The following SYK variants were observed in gnomAD, a reference collection of about 807,000 sequenced individuals.
The protein encoded by SYK is spleen associated tyrosine kinase, also known as tyrosine-protein kinase SYK.
Under a neutral mutation model 77.8 loss-of-function variants are expected in SYK, and 16 were observed. The ratio of observed to expected loss-of-function variants is 0.21; its 90% CI spans 0.14 to 0.31. The LOEUF is 0.31. Ranked by LOEUF, SYK falls within the 10% of genes least tolerant of loss-of-function variation. The pLI, the probability that SYK is intolerant of heterozygous loss-of-function variation, is 1.00. For missense variants in SYK, 529 were observed against 814.4 expected (o/e 0.65, Z 4.26); for synonymous variants, 312 against 308.7 (o/e 1.01, Z -0.11).
chr9:90,873,902 G>A (rs942820887), intron 7 of SYK, among the ~76,000 whole-genome samples: 3 of 152,146 alleles, frequency 2.0e-5, no homozygotes, highest in African/African-American at 7.2e-5. Context: ...GATGTGCAAG[G>A]GGGTGAGTGG....
At chr9:90,819,123 T>C (rs1825412487) in intron 1 of SYK, among the ~76,000 whole-genome samples, 1 of 152,242 alleles carries the variant, frequency 6.6e-6, no homozygotes, top group African/African-American at 2.4e-5. Context: ...CAGTAATTTG[T>C]ACTTTCCCAT....
At chr9:90,851,856 T>C (rs1483854049) in intron 3 of SYK, among the ~76,000 whole-genome samples, 1 of 152,180 alleles carries the variant, frequency 6.6e-6, no homozygotes, top group Non-Finnish European at 1.5e-5. Flanking sequence ...TTGAAGACTC[T>C]CTTATTTTTT....
intron 1 of SYK, among the ~76,000 whole-genome samples, chr9:90,841,856 TTA>T (rs1826366828): frequency 1.4e-5 from 2 of 138,212 alleles, no homozygotes; most frequent in South Asian, 4.9e-4. Flanking sequence ...GTGCAGTGTG[TTA>T]TGTGTGTTGT....
At chr9:90,894,539 C>T (rs1030769399) in intron 13 of SYK, among the ~76,000 whole-genome samples, 1 of 152,210 alleles carries the variant, frequency 6.6e-6, no homozygotes, top group Non-Finnish European at 1.5e-5. Flanking sequence ...TCCTGATGCG[C>T]GTTCTATGGC....
Position 90,845,736 on chromosome 9 carries a change from G to A in SYK, c.578+142G>A, listed in dbSNP as rs529793045. On this transcript the variant is annotated intron_variant, in intron 3 of 13. Coordinates refer to ENST00000375754, the MANE Select transcript of SYK (RefSeq NM_003177.7). ...CATTTGACAACATGCATGCTGGCCT[G>A]TTCTAAAGACATTTCTAACCAAAGC... 4.8e-5 allele frequency: 45 copies of A among 944,418 alleles called. No homozygotes were observed. The East Asian group carries it at 1.2e-3, about 25-fold the overall frequency. 58.5% of individuals were successfully genotyped at this position (944,418 alleles called of 1,614,324 possible). A position where few individuals can be genotyped will look rare whatever the true frequency, so the allele number is the denominator to read the frequency against.
chr9:90,822,216 G>C (rs1825543010), intron 1 of SYK, among the ~76,000 whole-genome samples: 1 of 152,158 alleles, frequency 6.6e-6, no homozygotes, highest in Admixed American at 6.5e-5. Context: ...GTTTTTGTAA[G>C]AGATATGTTT....
At chr9:90,841,570 TGTG>T (rs200948975) in intron 1 of SYK, among the ~76,000 whole-genome samples, 3,779 of 144,552 alleles carry the variant, frequency 0.026, 167 homozygotes, top group East Asian at 0.23. Context: ...GTGTGTGTGA[TGTG>T]TGTAGTGTGC....
intron 3 of SYK, among the ~76,000 whole-genome samples, chr9:90,856,572 T>C (rs999874118): frequency 6.7e-6 from 1 of 150,266 alleles, no homozygotes; most frequent in East Asian, 2.0e-4. Flanking sequence ...TTACATTTTT[T>C]AGAAAATTTC....
At chr9:90,868,945 A>G (rs1317521610) in intron 7 of SYK, among the ~76,000 whole-genome samples, 1 of 152,232 alleles carries the variant, frequency 6.6e-6, no homozygotes, top group Non-Finnish European at 1.5e-5. Context: ...TAAAATTGCT[A>G]CTATGGGAGG....
intron 1 of SYK, among the ~76,000 whole-genome samples, chr9:90,814,839 C>A (rs1033579114): frequency 3.6e-5 from 2 of 56,142 alleles, no homozygotes; most frequent in East Asian, 0.027. Context: ...CACGTGCACA[C>A]ACACACACAC....
At chr9:90,850,499 G>T (rs1475176375) in intron 3 of SYK, among the ~76,000 whole-genome samples, 3 of 152,058 alleles carry the variant, frequency 2.0e-5, no homozygotes, top group African/African-American at 7.2e-5. Flanking sequence ...CTGGGCAACA[G>T]AGCAAGACTC....
intron 3 of SYK, among the ~76,000 whole-genome samples, chr9:90,853,996 A>G (rs1177742083): frequency 6.6e-6 from 1 of 152,086 alleles, no homozygotes. Context: ...AGGGAAGTGA[A>G]GCGGTGGATG....
chr9:90,812,755 G>A (rs56955255), intron 1 of SYK, among the ~76,000 whole-genome samples: 17 of 64,668 alleles, frequency 2.6e-4, no homozygotes, highest in East Asian at 4.3e-3. Flanking sequence ...GTGTGTGTGT[G>A]TGTGTGTGTG....
At chr9:90,852,254 A>G (rs1347408080) in intron 3 of SYK, among the ~76,000 whole-genome samples, 1 of 152,204 alleles carries the variant, frequency 6.6e-6, no homozygotes, top group Non-Finnish European at 1.5e-5. Context: ...TGTGACTAAA[A>G]TATCTTTTGC....
chr9:90,884,881 ACAT>A (rs1828477579), intron 11 of SYK, among the ~76,000 whole-genome samples: 5 of 45,702 alleles, frequency 1.1e-4, no homozygotes, highest in South Asian at 8.6e-4. Flanking sequence ...ATACATATAT[ACAT>A]ATATATACAT....
In SYK at chr9:90,895,657, G is replaced by A. The variant is rs1828956667; in HGVS notation, c.*57G>A. On this transcript the variant is annotated 3_prime_UTR_variant, in exon 14 of 14. Transcript: ENST00000375754. This position sits in a 1 kb window ranked among gnomAD's most constrained non-coding sequence, Gnocchi z 4.4. The stretch of plus-strand genomic sequence containing the variant: ...ATCACAGGAGCAATCACAGGAAAAT[G>A]TATCCAGAGGAATTGATTGTCAGCC... 1 of 1,515,768 alleles carries A rather than the reference G, an allele frequency of 6.6e-7. No individual in the cohort carries two copies. Among genetic ancestry groups the A allele is most frequent in the Non-Finnish European group, 9.2e-7 (1 of 1,092,704 alleles). 93.9% of individuals were successfully genotyped at this position (1,515,768 alleles called of 1,614,324 possible). A position where few individuals can be genotyped will look rare whatever the true frequency, so the allele number is the denominator to read the frequency against.
chr9:90,855,689 G>GT (rs1457871853), intron 3 of SYK, among the ~76,000 whole-genome samples: 3 of 138,870 alleles, frequency 2.2e-5, no homozygotes, highest in East Asian at 2.3e-4. Flanking sequence ...TGTGTGTGTG[G>GT]GTGTGTGTGA....
rs555213319 is a variant in SYK, at chr9:90,879,583, G to A, written c.1581+630G>A. 7.9e-5 allele frequency among the ~76,000 whole-genome samples: 12 copies of A among 152,068 alleles called. 1 individual carries two copies. In the South Asian group the frequency reaches 2.3e-3, roughly 29 times the overall value. On this transcript the variant is annotated intron_variant, in intron 11 of 13. Coordinates refer to ENST00000375754, the MANE Select transcript of SYK (RefSeq NM_003177.7). The stretch of plus-strand genomic sequence containing the variant: ...AAGTGAAGATTTACCAAATAAACTC[G>A]TCATCTGTGTATGTCCACTACATAT...
chr9:90,806,487 A>T (rs1824840871), intron 1 of SYK, among the ~76,000 whole-genome samples: 1 of 151,810 alleles, frequency 6.6e-6, no homozygotes, highest in Non-Finnish European at 1.5e-5. Flanking sequence ...CTCTTGCCTC[A>T]GCCTCCCAAA....
Sources: gnomAD v4.1 joint callset for allele counts (sites outside exome capture counted in the v4.1 genomes callset) on GRCh38, gnomAD v4.1.1 for gene constraint, Gnocchi (gnomAD v3.1) non-coding constraint, MANE v1.5 for transcripts, NCBI Gene and HGNC (gene_info 2026-07-23, HGNC 2026-07-21) for gene names.